The following KIF20A variants were observed in gnomAD, a reference collection of about 807,000 sequenced individuals.
The protein encoded by KIF20A is kinesin-like protein KIF20A.
Under a neutral mutation model 113.0 loss-of-function variants are expected in KIF20A, and 66 were observed. The observed-to-expected ratio is 0.58, with a 90% CI of 0.48 to 0.72. The LOEUF (loss-of-function observed/expected upper bound fraction) is 0.72, where lower values mean the gene tolerates loss of function less well. Among genes scored for constraint, KIF20A ranks in the 30% least tolerant of loss-of-function variants. The pLI is 0.00. For missense variants in KIF20A, 927 were observed against 1,077.6 expected, an observed-to-expected ratio of 0.86 and a Z score of 1.96; for synonymous variants, 376 against 402.3, an observed-to-expected ratio of 0.93 and a Z score of 0.78.
rs560463337 is a variant in KIF20A at position 138,187,274 on chromosome 5, G to A, written c.2534G>A (p.Gly845Glu). 3 of 1,614,092 alleles carry A rather than the reference G, an allele frequency of 1.9e-6. No individual in the cohort carries two copies. In the South Asian group the frequency reaches 3.3e-5, roughly 18 times the overall value. Residue 845 changes from glycine to glutamate, a missense_variant, in exon 19 of 19, where the codon GGG (glycine) becomes GAG (glutamate). Gly to Glu is a moderately conservative substitution (Grantham distance 98). Transcript: ENST00000394894. The part of the protein sequence containing the change: ...ENQQPNQQPP[G>E]KKPFLRNLLP... The stretch of plus-strand genomic sequence containing the variant: ...CAGCAACCAAACCAACAACCACCAG[G>A]GAAGAAACCATTCCTTCGAAATTTA...
At position 138,185,202 on chromosome 5, in the gene KIF20A, G is replaced by A. The variant is rs778021194; in HGVS notation, c.1926+5G>A. The A allele has an allele frequency of 1.9e-6, 3 of 1,592,680 alleles. No individual in the cohort carries two copies. The highest frequency in any genetic ancestry group is 2.6e-6 in the Non-Finnish European group (3 of 1,161,240). On this transcript the variant is annotated splice_donor_5th_base_variant and intron_variant, in intron 15 of 18. Transcript: ENST00000394894. ...TTTTACCAAGAAGAGATTCAGGTGA[G>A]TTGCCCTGAGCCAGCTCCAATTAGC...
intron 2 of KIF20A, 29 bp from the exon 3 acceptor site, chr5:138,181,393 T>C: frequency 6.3e-7 from 1 of 1,594,626 alleles, no homozygotes; most frequent in Non-Finnish European, 8.6e-7. Context: ...GAAATTAATC[T>C]GTGGTTCTGG....
In KIF20A at chr5:138,183,561, C is replaced by T. The variant is rs1754694945; in HGVS notation, c.1119C>T (p.Leu373=). ...ACCAGAGCTTTGCCAGCACCCACCT[C>T]AACCAGAACTCCAGCCGCAGGTGAG... ...RKNQSFASTH[L]NQNSSRSHSI... The change falls in exon 9 of 19, where the codon CTC becomes CTT. Residue 373 remains leucine (L), a synonymous_variant. Transcript: ENST00000394894. This position sits in a 1 kb window ranked among gnomAD's most constrained non-coding sequence, Gnocchi z 5.2. 5.0e-6 allele frequency: 8 copies of T among 1,613,980 alleles called. No individual in the cohort carries two copies. Among genetic ancestry groups the T allele is most frequent in the South Asian group, 2.2e-5 (2 of 91,082 alleles).
At chr5:138,180,136 T>C (rs1008286276) in intron 2 of KIF20A, among the ~76,000 whole-genome samples, 1 of 152,200 alleles carries the variant, frequency 6.6e-6, no homozygotes, top group Non-Finnish European at 1.5e-5. Context: ...GAATAATAGT[T>C]ATCTCTCTTT....
chr5:138,183,882 C>G lies in KIF20A; in HGVS notation c.1209-80C>G. On this transcript the variant is annotated intron_variant, in intron 10 of 18. Transcript: ENST00000394894. This position sits in a 1 kb window ranked among gnomAD's most constrained non-coding sequence, Gnocchi z 5.2. ...GGTACAGAGATTCTTAGTGGGCCGT[C>G]CCCTCTCCAGAATTATACAAAGGGC... The G allele has an allele frequency of 2.5e-6, 4 of 1,595,174 alleles. No individual in the cohort carries two copies. The highest frequency in any genetic ancestry group is 3.4e-6 in the Non-Finnish European group (4 of 1,165,662).
chr5:138,181,392 CTG>C (rs1370444499), intron 2 of KIF20A, 28 bp from the exon 3 acceptor site: 1 of 1,591,134 alleles, frequency 6.3e-7, no homozygotes, highest in South Asian at 1.1e-5. Flanking sequence ...TGAAATTAAT[CTG>C]TGGTTCTGGG....
rs773574505 is a variant in KIF20A, at chr5:138,182,611, C to T, written c.540C>T (p.Leu180=). The part of the protein sequence containing the change: ...IQGTIKDGGI[L]PRSLALIFNS... ...GTACCATCAAGGATGGAGGGATTCT[C>T]CCCCGGTCCCTGGCGCTGATCTTCA... The change falls in exon 6 of 19, where the codon CTC becomes CTT. Residue 180 remains leucine (L), a synonymous_variant. Transcript: ENST00000394894. 4 of 1,614,116 alleles carry T rather than the reference C, an allele frequency of 2.5e-6. No homozygotes were observed. The highest frequency in any genetic ancestry group is 2.5e-6 in the Non-Finnish European group (3 of 1,180,026).
chr5:138,179,935 A>T (rs1385971733), intron 2 of KIF20A, 90 bp downstream of exon 2: 3 of 1,335,182 alleles, frequency 2.2e-6, no homozygotes, highest in Non-Finnish European at 3.1e-6. Context: ...AAAGACTAGC[A>T]ATCCTAAAGG....
rs775464245 is a variant in KIF20A at position 138,183,181 on chromosome 5, G to A, written c.845G>A (p.Arg282Gln). Residue 282 changes from arginine to glutamine, a missense_variant, in exon 8 of 19, where the codon CGA becomes CAA. Transcript: ENST00000394894. This position sits in a 1 kb window ranked among gnomAD's most constrained non-coding sequence, Gnocchi z 5.2. ...SSSQLDETSH[R>Q]WAQPDTAPLP... is the part of the protein sequence containing the mutation. ...GCTTCTTCTCCAGAAACAAGTCATC[G>A]ATGGGCACAGCCAGACACTGCCCCA... 36 of 1,613,940 alleles carry A rather than the reference G, an allele frequency of 2.2e-5. No individual in the cohort carries two copies. The highest frequency in any genetic ancestry group is 6.7e-5 in the African/African-American group (5 of 74,898).
At position 138,183,055 on chromosome 5, in the gene KIF20A, C is replaced by A; in HGVS notation, c.832+65C>A. The A allele has an allele frequency of 6.2e-7, 1 of 1,608,914 alleles. No homozygotes were observed. The highest frequency in any genetic ancestry group is 2.2e-5 in the East Asian group (1 of 44,842). Reference sequence around the variant, plus strand: ...ACTCACTCCCTGTTCCTAATAGCTGCCAGGAGTACAGACCAGAGGTTGCAA... The same window carrying A: ...ACTCACTCCCTGTTCCTAATAGCTGACAGGAGTACAGACCAGAGGTTGCAA... On this transcript the variant is annotated intron_variant, in intron 7 of 18. Transcript: ENST00000394894. This position sits in a 1 kb window ranked among gnomAD's most constrained non-coding sequence, Gnocchi z 5.2.
rs375123506 is a variant in KIF20A, at chr5:138,184,496, T to A, written c.1519-16T>A. 886 of 1,606,566 alleles carry A rather than the reference T, an allele frequency of 5.5e-4. No homozygotes were observed. Among genetic ancestry groups the A allele is most frequent in the Non-Finnish European group, 7.1e-4 (837 of 1,174,304 alleles). On this transcript the variant is annotated splice_polypyrimidine_tract_variant and intron_variant, in intron 12 of 18. Transcript: ENST00000394894. ...ACTACTTATGGAGTCAAGTAAGATA[T>A]TTTTTTTCCCTCTAGCTTGTGCATG...
chr5:138,185,037 C>T, intron 14 of KIF20A, 58 bp from the exon 15 acceptor site: 1 of 1,591,178 alleles, frequency 6.3e-7, no homozygotes, highest in South Asian at 1.1e-5. Flanking sequence ...AGATCTGTTC[C>T]CCAAGTTCAC....
chr5:138,181,865 G>A, intron 4 of KIF20A, 137 bp downstream of exon 4: 3 of 903,922 alleles, frequency 3.3e-6, no homozygotes, highest in African/African-American at 1.7e-5. Flanking sequence ...CCCTAGTTAT[G>A]TGTTAGTCAA....
Position 138,183,305 on chromosome 5 carries a change from G to A in KIF20A, c.969G>A (p.Gln323=), listed in dbSNP as rs1754690313. The A allele has an allele frequency of 6.2e-7, 1 of 1,614,134 alleles. No individual in the cohort carries two copies. Among genetic ancestry groups the A allele is most frequent in the Non-Finnish European group, 8.5e-7 (1 of 1,180,052 alleles). Residue 323 remains glutamine (Q), a synonymous_variant, in exon 8 of 19, where the codon CAG becomes CAA. Transcript: ENST00000394894. This position sits in a 1 kb window ranked among gnomAD's most constrained non-coding sequence, Gnocchi z 5.2. ...ACCTATTAGAACCGCCTAGCCAACA[G>A]CGCAAGAGGCAGACTTTGCGGCTAT... ...LYDLLEPPSQ[Q]RKRQTLRLCE...
chr5:138,184,926 A>T lies in KIF20A; in HGVS notation c.1803A>T (p.Gln601His), dbSNP rs1428067972. The T allele has an allele frequency of 1.1e-5, 18 of 1,614,172 alleles. No homozygotes were observed. In the South Asian group the frequency reaches 2.0e-4, roughly 18 times the overall value. ...GCAATGAGATGGTAGAACAGATGCAACAGCGGGAACAGTGGTGCAGGTACT... is the reference window on the plus strand; with the variant it reads ...GCAATGAGATGGTAGAACAGATGCATCAGCGGGAACAGTGGTGCAGGTACT... ...EICNEMVEQM[Q>H]QREQWCSEHL... is the part of the protein sequence containing the mutation. Residue 601 changes from glutamine to histidine, a missense_variant, in exon 14 of 19, where the codon CAA becomes CAT. By Grantham distance (24) the Gln-to-His change is conservative. Transcript: ENST00000394894.
At chr5:138,182,495 GC>G (rs900917059) in intron 5 of KIF20A, 34 bp downstream of exon 5, 2 of 1,612,438 alleles carry the variant, frequency 1.2e-6, no homozygotes, top group African/African-American at 2.7e-5. Context: ...TTCCTGATTG[GC>G]TGGTAATGGT....
Position 138,179,445 on chromosome 5 carries a change from C to T in KIF20A, c.-21-215C>T, listed in dbSNP as rs184760724. The T allele has an allele frequency of 7.3e-4, 370 of 505,352 alleles. 1 individual carries two copies. In the Middle Eastern group the frequency reaches 0.012, roughly 17 times the overall value. 31.3% of individuals were successfully genotyped at this position (505,352 alleles called of 1,614,324 possible). Reference sequence around the variant, plus strand: ...GCTTTTGGAGCCAGATGTCTGTGGACTTCTGTTCGCGTTCAGAAATGCCGC... The same window carrying T: ...GCTTTTGGAGCCAGATGTCTGTGGATTTCTGTTCGCGTTCAGAAATGCCGC... On this transcript the variant is annotated intron_variant, in intron 1 of 18. Coordinates refer to ENST00000394894, the MANE Select transcript of KIF20A (RefSeq NM_005733.3).
chr5:138,185,068 C>T lies in KIF20A; in HGVS notation c.1824-27C>T, dbSNP rs374220763. The T allele has an allele frequency of 1.3e-4, 213 of 1,598,814 alleles. No individual in the cohort carries two copies. The African/African-American group carries it at 2.6e-3, about 19-fold the overall frequency. ...TTCACTCCTCAGAACCTTCACTTAC[C>T]TCTCTTTTCTCCTCTGTTTCTGACA... On this transcript the variant is annotated intron_variant, in intron 14 of 18. Transcript: ENST00000394894.
chr5:138,185,495 C>T lies in KIF20A; in HGVS notation c.1927-17C>T, dbSNP rs1192320989. ...TTCTGGCTCTGCAAAGAATTGTGCT[C>T]TCTGCTTCCCTCTTAGGAGCGGGAT... On this transcript the variant is annotated splice_polypyrimidine_tract_variant and intron_variant, in intron 15 of 18. Coordinates refer to ENST00000394894, the MANE Select transcript of KIF20A (RefSeq NM_005733.3). 1 of 1,611,804 alleles carries T rather than the reference C, an allele frequency of 6.2e-7. No homozygotes were observed. The highest frequency in any genetic ancestry group is 8.5e-7 in the Non-Finnish European group (1 of 1,179,326).
Sources: gnomAD v4.1 joint callset for allele counts (sites outside exome capture counted in the v4.1 genomes callset) on GRCh38, gnomAD v4.1.1 for gene constraint, Gnocchi (gnomAD v3.1) non-coding constraint, MANE v1.5 for transcripts, NCBI Gene and HGNC (gene_info 2026-07-23, HGNC 2026-07-21) for gene names.